The following DPP6 variants were observed in gnomAD, a reference collection of about 807,000 sequenced individuals.
The protein encoded by DPP6 is A-type potassium channel modulatory protein DPP6.
DPP6 carries 69 observed loss-of-function variants against 122.6 expected under a neutral mutation model. The observed-to-expected ratio is 0.56, with a 90% CI of 0.46 to 0.69. The LOEUF (loss-of-function observed/expected upper bound fraction) is 0.69. DPP6 is among the 30% of genes least tolerant of loss of function. DPP6 has a pLI of 0.00. For missense variants in DPP6, 928 were observed against 1,116.9 expected (o/e 0.83, Z 2.41); for synonymous variants, 418 against 433.1 (o/e 0.97, Z 0.43).
chr7:154,108,535 A>G (rs10258388), intron 1 of DPP6, among the ~76,000 whole-genome samples: 5,500 of 152,218 alleles, frequency 0.036, 333 homozygotes, highest in African/African-American at 0.12. Context: ...ATATCCTTCC[A>G]TGCCCCATGC....
chr7:154,389,826 T>G (rs1009652509), intron 1 of DPP6, among the ~76,000 whole-genome samples: 2 of 152,236 alleles, frequency 1.3e-5, no homozygotes, highest in African/African-American at 4.8e-5. Context: ...CTAAAAGGAT[T>G]AAATACCTAA....
intron 7 of DPP6, among the ~76,000 whole-genome samples, chr7:154,672,940 C>A (rs1838658848): frequency 6.6e-6 from 1 of 152,122 alleles, no homozygotes; most frequent in South Asian, 2.1e-4. Flanking sequence ...CTATACTTCC[C>A]AACACAGGTG....
chr7:154,784,437 A>G (rs1207259434), intron 10 of DPP6, among the ~76,000 whole-genome samples: 5 of 152,316 alleles, frequency 3.3e-5, no homozygotes, highest in Middle Eastern at 3.4e-3. Context: ...ACACTCAAGC[A>G]CAGTTTTCTG....
Position 154,293,302 on chromosome 7 carries a change from T to C in DPP6, c.244-152912T>C, listed in dbSNP as rs576986490. Among the ~76,000 whole-genome samples, 4 of 152,326 alleles carry C rather than the reference T, an allele frequency of 2.6e-5. No homozygotes were observed. In the East Asian group the frequency reaches 7.7e-4, roughly 29 times the overall value. Reference sequence around the variant, plus strand: ...AGAAGCCTTCACTTTAGTGGTCATCTCTCCTCCTTTTTCGTCCTTGCTCCT... The same window carrying C: ...AGAAGCCTTCACTTTAGTGGTCATCCCTCCTCCTTTTTCGTCCTTGCTCCT... On this transcript the variant is annotated intron_variant, in intron 1 of 25. Transcript: ENST00000377770.
At chr7:154,364,350 G>A (rs1362899246) in intron 1 of DPP6, among the ~76,000 whole-genome samples, 2 of 152,118 alleles carry the variant, frequency 1.3e-5, no homozygotes, top group South Asian at 2.1e-4. Flanking sequence ...ACAGCTACAG[G>A]CCCACACACA....
At chr7:153,877,165 C>T in the DPP6 span, among the ~76,000 whole-genome samples, 5 of 151,958 alleles carry the variant, frequency 3.3e-5, no homozygotes, top group East Asian at 3.9e-4. Flanking sequence ...AATATGTTAA[C>T]GTTAGCCTAC....
intron 4 of DPP6, among the ~76,000 whole-genome samples, chr7:154,563,269 C>T (rs900809502): frequency 1.4e-4 from 21 of 152,126 alleles, no homozygotes; most frequent in African/African-American, 4.6e-4. Flanking sequence ...CAGAGACTGG[C>T]GTGGCTGCAG....
At chr7:153,841,872 A>G in the DPP6 span, among the ~76,000 whole-genome samples, 1 of 152,216 alleles carries the variant, frequency 6.6e-6, no homozygotes, top group Non-Finnish European at 1.5e-5. Context: ...GTTTCTTTCT[A>G]TGCGTTATAT....
intron 1 of DPP6, among the ~76,000 whole-genome samples, chr7:154,438,263 C>A (rs546528914): frequency 6.6e-6 from 1 of 151,740 alleles, no homozygotes; most frequent in East Asian, 1.9e-4. Flanking sequence ...GTCAGGAGAT[C>A]GAGACCATCC....
intron 1 of DPP6, among the ~76,000 whole-genome samples, chr7:153,894,676 C>T (rs536339745): frequency 5.9e-5 from 9 of 152,218 alleles, no homozygotes; most frequent in African/African-American, 1.9e-4. Context: ...CTCCTGCCCC[C>T]GACCTCTTCC....
At chr7:154,188,154 G>A (rs1386635200) in intron 1 of DPP6, among the ~76,000 whole-genome samples, 1 of 152,042 alleles carries the variant, frequency 6.6e-6, no homozygotes, top group Non-Finnish European at 1.5e-5. Context: ...CAGATCCAAA[G>A]GCCATGAACA....
chr7:154,452,912 C>T (rs1335889021), intron 2 of DPP6, among the ~76,000 whole-genome samples: 2 of 152,180 alleles, frequency 1.3e-5, no homozygotes, highest in Non-Finnish European at 2.9e-5. Context: ...GAATATGTCC[C>T]TTTCAATGTT....
chr7:154,460,277 T>G (rs1821182038), intron 2 of DPP6, among the ~76,000 whole-genome samples: 1 of 152,222 alleles, frequency 6.6e-6, no homozygotes. Flanking sequence ...CCACCGTGCC[T>G]GGCCTTATTC....
At chr7:153,845,717 A>G in the DPP6 span, among the ~76,000 whole-genome samples, 2 of 152,048 alleles carry the variant, frequency 1.3e-5, no homozygotes, top group Admixed American at 1.3e-4. Flanking sequence ...ATAAGGTGAA[A>G]TATTCTATTT....
chr7:154,062,605 AACCCCT>A (rs1370783855), intron 1 of DPP6, among the ~76,000 whole-genome samples: 1,153 of 16,640 alleles, frequency 0.069, 529 homozygotes, highest in Admixed American at 0.18. Flanking sequence ...ACTGAGAGCC[AACCCCT>A]GGTTCCCCCA....
intron 2 of DPP6, among the ~76,000 whole-genome samples, chr7:154,458,011 C>A (rs1214021187): frequency 6.6e-6 from 1 of 151,714 alleles, no homozygotes. Context: ...GGAGATTTGA[C>A]ACAGACGAAG....
At chr7:153,809,111 C>T in the DPP6 span, among the ~76,000 whole-genome samples, 3 of 152,030 alleles carry the variant, frequency 2.0e-5, no homozygotes, top group Non-Finnish European at 4.4e-5. Context: ...AGTGATGTCA[C>T]ATTGCAGTTT....
At chr7:154,054,121 GA>G (rs1379530163) in intron 1 of DPP6, among the ~76,000 whole-genome samples, 3 of 151,434 alleles carry the variant, frequency 2.0e-5, no homozygotes, top group Non-Finnish European at 4.4e-5. Flanking sequence ...GTATGCCTTT[GA>G]GGAGTTTCAC....
At chr7:154,383,264 T>C (rs754827269) in intron 1 of DPP6, among the ~76,000 whole-genome samples, 2 of 152,192 alleles carry the variant, frequency 1.3e-5, no homozygotes, top group Non-Finnish European at 2.9e-5. Flanking sequence ...ATTCCTATAG[T>C]ATTTACACTA....
Sources: gnomAD v4.1 joint callset for allele counts (sites outside exome capture counted in the v4.1 genomes callset) on GRCh38, gnomAD v4.1.1 for gene constraint, MANE v1.5 for transcripts, NCBI Gene and HGNC (gene_info 2026-07-23, HGNC 2026-07-21) for gene names.